Variants in DLGAP1 observed in about 807,000 individuals in gnomAD.
DLGAP1 encodes the protein disks large-associated protein 1.
A neutral mutation model predicts 90.8 loss-of-function variants in DLGAP1; 11 were observed. The ratio of observed to expected loss-of-function variants is 0.12; its 90% CI spans 0.08 to 0.20. DLGAP1 has a LOEUF of 0.20. Among genes scored for constraint, DLGAP1 ranks in the 10% least tolerant of loss-of-function variants. The pLI is 1.00. For synonymous variants in DLGAP1, 558 were observed against 540.7 expected (o/e 1.03, Z -0.44); for missense variants, 1,050 against 1,333.8 (o/e 0.79, Z 3.31).
chr18:3,704,368 C>T (rs144424380), intron 7 of DLGAP1, among the ~76,000 whole-genome samples: 3,564 of 152,126 alleles, frequency 0.023, 138 homozygotes, highest in African/African-American at 0.082. Context: ...GTCAGGAGTT[C>T]GAGACCAGCC....
At chr18:4,128,507 T>G (rs1187117414) in intron 2 of DLGAP1, among the ~76,000 whole-genome samples, 7 of 152,196 alleles carry the variant, frequency 4.6e-5, no homozygotes, top group African/African-American at 1.7e-4. Flanking sequence ...TTGACATTTA[T>G]GTGTCACTTT....
intron 6 of DLGAP1, among the ~76,000 whole-genome samples, chr18:3,741,266 A>T (rs1275810187): frequency 2.0e-5 from 2 of 99,550 alleles, no homozygotes; most frequent in Non-Finnish European, 3.8e-5. Flanking sequence ...CACAATCACC[A>T]CCACCACATC....
intron 7 of DLGAP1, among the ~76,000 whole-genome samples, chr18:3,625,690 GA>G (rs2058267785): frequency 6.6e-6 from 1 of 151,770 alleles, no homozygotes; most frequent in Non-Finnish European, 1.5e-5. Flanking sequence ...ATTTTTCTTA[GA>G]GATTAGTACA....
In DLGAP1 at chr18:3,880,124, C is replaced by A; in HGVS notation, c.-56G>T. On this transcript the variant is annotated 5_prime_UTR_variant, in exon 4 of 13. Transcript: ENST00000315677. The stretch of plus-strand genomic sequence containing the variant: ...GACACCCGGAAGTCAGGCTCCAGAC[C>A]CGTCTTGGGCAGGGATCTGGGGGAA... The A allele has an allele frequency of 6.5e-7, 1 of 1,528,694 alleles. No individual in the cohort carries two copies. The highest frequency in any genetic ancestry group is 2.3e-5 in the East Asian group (1 of 44,338). 94.7% of individuals were successfully genotyped at this position (1,528,694 alleles called of 1,614,324 possible).
rs146379379 is a variant in DLGAP1 at position 4,242,154 on chromosome 18, A to G, written c.-266-90867T>C. ...AATGTATGATTCTGATTTTTTGTAG[A>G]ATGTGTCTTTTCATTACAATAAAAT... On this transcript the variant is annotated intron_variant, in intron 1 of 12. Coordinates refer to ENST00000315677, the MANE Select transcript of DLGAP1 (RefSeq NM_004746.4). 3.3e-3 allele frequency among the ~76,000 whole-genome samples: 502 copies of G among 152,206 alleles called. 2 individuals are homozygous for G. Among genetic ancestry groups the G allele is most frequent in the Non-Finnish European group, 5.1e-3 (350 of 68,010 alleles).
At chr18:4,307,709 CTTTT>C (rs34193366) in intron 1 of DLGAP1, among the ~76,000 whole-genome samples, 36 of 107,208 alleles carry the variant, frequency 3.4e-4, no homozygotes, top group Admixed American at 1.2e-3. Flanking sequence ...TGAGGGTTTA[CTTTT>C]TTTTTTTTTT....
chr18:4,426,492 G>A (rs578055562), intron 1 of DLGAP1, among the ~76,000 whole-genome samples: 53 of 130,920 alleles, frequency 4.0e-4, no homozygotes, highest in South Asian at 1.1e-3. Context: ...GATAAAACAT[G>A]TGTCATATTG....
chr18:3,969,100 CA>C (rs889009928), intron 3 of DLGAP1, among the ~76,000 whole-genome samples: 8 of 151,944 alleles, frequency 5.3e-5, no homozygotes, highest in African/African-American at 1.9e-4. Flanking sequence ...TAACAATATT[CA>C]AAGAAAATTA....
At chr18:3,557,795 C>T (rs1368978013) in intron 9 of DLGAP1, among the ~76,000 whole-genome samples, 4 of 151,978 alleles carry the variant, frequency 2.6e-5, no homozygotes, top group East Asian at 1.9e-4. Context: ...GGCGTGGTGG[C>T]GGGTGCCTAT....
chr18:3,579,692 C>T (rs1038583348), intron 8 of DLGAP1, among the ~76,000 whole-genome samples: 6 of 152,202 alleles, frequency 3.9e-5, no homozygotes, highest in Non-Finnish European at 7.3e-5. Context: ...CCAAGCTAAA[C>T]AGATGTAAAA....
chr18:4,119,177 G>A (rs576189139), intron 2 of DLGAP1, among the ~76,000 whole-genome samples: 2 of 152,090 alleles, frequency 1.3e-5, no homozygotes, highest in East Asian at 1.9e-4. Context: ...CTATAGCCTC[G>A]AACTTCTGGG....
At chr18:3,906,261 T>C (rs1337753156) in intron 3 of DLGAP1, among the ~76,000 whole-genome samples, 3 of 152,258 alleles carry the variant, frequency 2.0e-5, no homozygotes, top group Non-Finnish European at 4.4e-5. Context: ...TCTTCACTTC[T>C]GCTTTGTCCT....
At chr18:4,300,243 T>C (rs1011215858) in intron 1 of DLGAP1, among the ~76,000 whole-genome samples, 1 of 152,222 alleles carries the variant, frequency 6.6e-6, no homozygotes, top group Non-Finnish European at 1.5e-5. Flanking sequence ...TGGGTTTTAA[T>C]ACATATTTTG....
In DLGAP1 at chr18:3,800,748, T is replaced by A. The variant is rs77966889; in HGVS notation, c.1172+13311A>T. ...TATTTTGTAATAATAAAAAAGGAAATCTTCCCATTATTTCTAAATAAAAAA... is the reference window on the plus strand; with the variant it reads ...TATTTTGTAATAATAAAAAAGGAAAACTTCCCATTATTTCTAAATAAAAAA... On this transcript the variant is annotated intron_variant, in intron 5 of 12. Transcript: ENST00000315677. 2.2e-3 allele frequency among the ~76,000 whole-genome samples: 342 copies of A among 152,104 alleles called. 4 individuals carry two copies. In the East Asian group the frequency reaches 0.046, roughly 20 times the overall value.
chr18:4,281,416 T>C (rs902264145), intron 1 of DLGAP1, among the ~76,000 whole-genome samples: 2 of 152,030 alleles, frequency 1.3e-5, no homozygotes, highest in Admixed American at 6.6e-5. Context: ...TAGCTGGGCA[T>C]GGTGGTGGGA....
intron 1 of DLGAP1, among the ~76,000 whole-genome samples, chr18:4,423,021 T>C (rs2083074861): frequency 6.6e-6 from 1 of 152,146 alleles, no homozygotes; most frequent in African/African-American, 2.4e-5. Flanking sequence ...AAATACGTCT[T>C]CCAAGATATT....
At chr18:4,173,059 A>T (rs1165732636) in intron 1 of DLGAP1, among the ~76,000 whole-genome samples, 1 of 152,258 alleles carries the variant, frequency 6.6e-6, no homozygotes, top group East Asian at 1.9e-4. Flanking sequence ...CATTTGAGAG[A>T]AAGATTTACT....
chr18:4,329,248 C>G (rs567146301), intron 1 of DLGAP1, among the ~76,000 whole-genome samples: 1 of 151,892 alleles, frequency 6.6e-6, no homozygotes, highest in Non-Finnish European at 1.5e-5. Flanking sequence ...GTTCCAGCAT[C>G]ATTTTTTGAA....
chr18:4,430,502 C>CTCTGTGTG (rs1555617636), intron 1 of DLGAP1: 3 of 142,652 alleles, frequency 2.1e-5, no homozygotes, highest in South Asian at 4.8e-4. Context: ...TCTTGTGTGT[C>CTCTGTGTG]TGTGTGTGTG....
Sources: gnomAD v4.1 joint callset for allele counts (sites outside exome capture counted in the v4.1 genomes callset) on GRCh38, gnomAD v4.1.1 for gene constraint, MANE v1.5 for transcripts, NCBI Gene and HGNC (gene_info 2026-07-23, HGNC 2026-07-21) for gene names.